UBAC2: variants seen among roughly 807,000 people sequenced by gnomAD.
UBAC2 encodes ubiquitin-associated domain-containing protein 2.
Under a neutral mutation model 44.0 loss-of-function variants are expected in UBAC2, and 26 were observed. That is an observed-to-expected ratio of 0.59 (90% CI 0.43 to 0.82). The LOEUF (loss-of-function observed/expected upper bound fraction) is 0.82. Among genes scored for constraint, UBAC2 ranks in the 40% least tolerant of loss-of-function variants. The probability of loss-of-function intolerance (pLI) is 0.00; values close to 1 mark genes in which losing one functional copy is unlikely to be tolerated. For missense variants in UBAC2, 329 were observed against 419.4 expected (o/e 0.78, Z 1.88); for synonymous variants, 155 against 154.3 (o/e 1.00, Z -0.04).
chr13:99,287,880 G>T (rs1483552479), intron 4 of UBAC2, among the ~76,000 whole-genome samples: 2 of 152,008 alleles, frequency 1.3e-5, no homozygotes, highest in Admixed American at 6.6e-5. Context: ...AATAATACAT[G>T]AAATGGCACT....
intron 1 of UBAC2, among the ~76,000 whole-genome samples, chr13:99,236,353 A>G (rs1159952241): frequency 6.6e-6 from 1 of 152,230 alleles, no homozygotes; most frequent in Non-Finnish European, 1.5e-5. Context: ...AAGGAGCTCA[A>G]ACAACTCAAT....
intron 4 of UBAC2, among the ~76,000 whole-genome samples, chr13:99,298,026 T>A (rs2044202384): frequency 6.6e-6 from 1 of 151,944 alleles, no homozygotes; most frequent in African/African-American, 2.4e-5. Context: ...AAAAGAACAG[T>A]CTACAAAGAA....
intron 6 of UBAC2, among the ~76,000 whole-genome samples, chr13:99,331,037 A>G (rs1314191691): frequency 4.6e-5 from 7 of 152,198 alleles, no homozygotes; most frequent in African/African-American, 1.2e-4. Context: ...GCCTTCCAGT[A>G]TATTTTTTCC....
intron 1 of UBAC2, among the ~76,000 whole-genome samples, chr13:99,211,541 C>G (rs1214602293): frequency 6.6e-6 from 1 of 152,184 alleles, no homozygotes; most frequent in Non-Finnish European, 1.5e-5. Context: ...GTGTTAGGCA[C>G]TGTTCTAAGC....
chr13:99,315,902 G>A lies in UBAC2; in HGVS notation c.513+1682G>A, dbSNP rs143521632. On this transcript the variant is annotated intron_variant, in intron 5 of 8. Transcript: ENST00000403766. ...AGAGGCACAGCATGGCCTTCATCACGGGGCCATTGTAGTAGGTTGGTGCAA... is the reference window on the plus strand; with the variant it reads ...AGAGGCACAGCATGGCCTTCATCACAGGGCCATTGTAGTAGGTTGGTGCAA... Among the ~76,000 whole-genome samples, 205 of 151,970 alleles carry A rather than the reference G, an allele frequency of 1.3e-3. 5 individuals are homozygous for A. The East Asian group carries it at 0.028, about 21-fold the overall frequency.
At chr13:99,308,127 A>G (rs1391284207) in intron 4 of UBAC2, 1 of 152,252 alleles carries the variant, frequency 6.6e-6, no homozygotes, top group Non-Finnish European at 1.5e-5. Flanking sequence ...TGTCTGTCAG[A>G]ATGCAGTTTA....
intron 1 of UBAC2, among the ~76,000 whole-genome samples, chr13:99,222,151 T>G (rs1395590203): frequency 2.0e-5 from 3 of 152,210 alleles, no homozygotes; most frequent in Admixed American, 2.0e-4. Context: ...GACCCTGTCT[T>G]CACAGGGTTT....
rs376116842 is a variant in UBAC2 at position 99,367,839 on chromosome 13, A to G, written c.860A>G (p.Asn287Ser). 3.1e-6 allele frequency: 5 copies of G among 1,613,834 alleles called. No homozygotes were observed. Among genetic ancestry groups the G allele is most frequent in the Non-Finnish European group, 4.2e-6 (5 of 1,179,860 alleles). ...TTTCCTCCTTTACGTCAGCGACAAA[A>G]CGTAAACTATCAGGGCGGTCGGCAG... ...RLFPPLRQRQNVNYQGGRQSE... is the reference protein window; with the variant it reads ...RLFPPLRQRQSVNYQGGRQSE... Residue 287 changes from asparagine (N) to serine (S), a missense_variant, in exon 8 of 9, where the codon AAC becomes AGC. By Grantham distance (46) the Asn-to-Ser change is conservative. Transcript: ENST00000403766.
At chr13:99,218,811 A>G (rs1186068160) in intron 1 of UBAC2, among the ~76,000 whole-genome samples, 1 of 152,196 alleles carries the variant, frequency 6.6e-6, no homozygotes, top group Non-Finnish European at 1.5e-5. Context: ...CTTTGTTGAG[A>G]CGATCACCAG....
intron 4 of UBAC2, among the ~76,000 whole-genome samples, chr13:99,282,430 T>C (rs1354229175): frequency 1.3e-5 from 2 of 152,182 alleles, no homozygotes; most frequent in East Asian, 3.8e-4. Flanking sequence ...TTTAAAGAGG[T>C]TTAACATCTG....
chr13:99,295,987 C>A lies in UBAC2; in HGVS notation c.390-18110C>A. The A allele has an allele frequency of 6.2e-7, 1 of 1,613,986 alleles. No individual in the cohort carries two copies. The highest frequency in any genetic ancestry group is 8.5e-7 in the Non-Finnish European group (1 of 1,179,990). ...TTTTCCTGTTTTGAACAATGACGAC[C>A]AAGGCTAGTAAGTTTCCCACGAGCC... On this transcript the variant is annotated intron_variant, in intron 4 of 8. Coordinates refer to ENST00000403766, the MANE Select transcript of UBAC2 (RefSeq NM_001144072.2). The surrounding 1 kb of genome is among the most constrained non-coding windows in gnomAD (Gnocchi z 4.1).
At chr13:99,365,060 T>A (rs1461486421) in intron 7 of UBAC2, among the ~76,000 whole-genome samples, 1 of 152,222 alleles carries the variant, frequency 6.6e-6, no homozygotes, top group Non-Finnish European at 1.5e-5. Context: ...CTAGAATAAG[T>A]TTTAATAAGT....
In UBAC2 at chr13:99,262,541, A is replaced by G. The variant is rs1309578400; in HGVS notation, c.389+17917A>G. On this transcript the variant is annotated intron_variant, in intron 4 of 8. Transcript: ENST00000403766. ...AACATGGCAAAACCCTGTCTCTACT[A>G]AAAATACAAAAATTAGCTGGGCATG... Among the ~76,000 whole-genome samples, 3 of 151,978 alleles carry G rather than the reference A, an allele frequency of 2.0e-5. No individual in the cohort carries two copies. The East Asian group carries it at 5.8e-4, about 29-fold the overall frequency.
At chr13:99,363,709 G>A (rs930079188) in intron 7 of UBAC2, among the ~76,000 whole-genome samples, 1 of 152,238 alleles carries the variant, frequency 6.6e-6, no homozygotes. Context: ...GAGAAAGGTA[G>A]CAAGTCACAC....
chr13:99,264,834 A>G (rs2138651945), intron 4 of UBAC2, among the ~76,000 whole-genome samples: 1 of 152,342 alleles, frequency 6.6e-6, no homozygotes, highest in East Asian at 1.9e-4. Context: ...GAATGCGTCC[A>G]GGATGCATTT....
At chr13:99,332,528 C>G (rs1322175648) in intron 6 of UBAC2, among the ~76,000 whole-genome samples, 3 of 152,184 alleles carry the variant, frequency 2.0e-5, no homozygotes, top group African/African-American at 7.2e-5. Flanking sequence ...GCTGCTCCCT[C>G]TGACCTGGAG....
chr13:99,335,496 C>G (rs1211778933), intron 6 of UBAC2, among the ~76,000 whole-genome samples: 2 of 152,070 alleles, frequency 1.3e-5, no homozygotes, highest in Non-Finnish European at 2.9e-5. Context: ...ACAGCAAAGA[C>G]TGCTTTCTGT....
At chr13:99,296,389 C>G (rs888681359) in intron 4 of UBAC2, among the ~76,000 whole-genome samples, 1 of 152,124 alleles carries the variant, frequency 6.6e-6, no homozygotes, top group Non-Finnish European at 1.5e-5. Flanking sequence ...TTTTTACTCT[C>G]ACAATTTGCT....
At chr13:99,270,414 G>A (rs1346866701) in intron 4 of UBAC2, among the ~76,000 whole-genome samples, 1 of 152,104 alleles carries the variant, frequency 6.6e-6, no homozygotes, top group Non-Finnish European at 1.5e-5. Flanking sequence ...ATTTAGCAGA[G>A]GTGAATATTA....
Sources: gnomAD v4.1 joint callset for allele counts (sites outside exome capture counted in the v4.1 genomes callset) on GRCh38, gnomAD v4.1.1 for gene constraint, Gnocchi (gnomAD v3.1) non-coding constraint, MANE v1.5 for transcripts, NCBI Gene and HGNC (gene_info 2026-07-23, HGNC 2026-07-21) for gene names.